The following INTS6 variants were observed in gnomAD, a reference collection of about 807,000 sequenced individuals.
INTS6 encodes the protein integrator complex subunit 6.
Under a neutral mutation model 104.9 loss-of-function variants are expected in INTS6, and 16 were observed. That is an observed-to-expected ratio of 0.15 (90% CI 0.10 to 0.23). INTS6 has a LOEUF of 0.23. INTS6 is among the 10% of genes least tolerant of loss of function. The probability of loss-of-function intolerance (pLI) is 1.00; values close to 1 mark genes in which losing one functional copy is unlikely to be tolerated. For missense variants in INTS6, 584 were observed against 1,062.8 expected, an observed-to-expected ratio of 0.55 and a Z score of 6.26; for synonymous variants, 324 against 358.7, an observed-to-expected ratio of 0.90 and a Z score of 1.09.
the INTS6 span, among the ~76,000 whole-genome samples, chr13:51,338,621 T>G: frequency 2.0e-5 from 3 of 152,216 alleles, no homozygotes; most frequent in East Asian, 5.8e-4. Context: ...AACCTGTTTA[T>G]TCTCCTTTCA....
chr13:51,387,589 T>C (rs1379420103), intron 6 of INTS6, 49 bp from the exon 7 acceptor site: 7 of 1,419,790 alleles, frequency 4.9e-6, no homozygotes, highest in Non-Finnish European at 6.6e-6. Context: ...TAAGGGGGGA[T>C]AAGCATAAAA....
In INTS6 at chr13:51,389,392, G is replaced by C; in HGVS notation, c.666C>G (p.Ser222=). Residue 222 remains serine (S), a synonymous_variant, in exon 6 of 18, where the codon TCC becomes TCG. Transcript: ENST00000311234. ...SPRMLNQCLE[S]LVQKVQSGVV... ...CCCCACTTTGTACTTTCTGCACCAA[G>C]GACTCCAGACACTGATTAAGCATTC... is the stretch of plus-strand genomic sequence containing the variant. 6.2e-7 allele frequency: 1 copy of C among 1,613,308 alleles called. No individual in the cohort carries two copies. The highest frequency in any genetic ancestry group is 2.2e-5 in the East Asian group (1 of 44,796).
At chr13:51,391,488 C>T (rs1956245139) in intron 5 of INTS6, among the ~76,000 whole-genome samples, 1 of 152,114 alleles carries the variant, frequency 6.6e-6, no homozygotes, top group Non-Finnish European at 1.5e-5. Flanking sequence ...GCTTTCTTTA[C>T]AAAGTGAGCC....
chr13:51,449,819 G>A (rs1952997299), intron 3 of INTS6: 1 of 985,164 alleles, frequency 1.0e-6, no homozygotes, highest in Non-Finnish European at 1.2e-6. Flanking sequence ...AAAAGCAGCA[G>A]AGATGGGAAA....
At chr13:51,444,646 G>A (rs1027022027) in intron 3 of INTS6, 2 of 151,938 alleles carry the variant, frequency 1.3e-5, no homozygotes, top group African/African-American at 4.8e-5. Context: ...CTACTCAGGA[G>A]GCTGAAGCAG....
intron 3 of INTS6, among the ~76,000 whole-genome samples, chr13:51,355,485 G>A (rs927000547): frequency 4.6e-5 from 7 of 152,080 alleles, no homozygotes; most frequent in Non-Finnish European, 1.0e-4. Context: ...ATGACCTCCT[G>A]CTGTCCCATC....
the INTS6 span, chr13:51,340,780 C>A: frequency 2.1e-6 from 1 of 468,504 alleles, no homozygotes; most frequent in Admixed American, 3.7e-5. Context: ...TCTGATCTGA[C>A]CAGGGCTTTG....
At chr13:51,377,712 G>T (rs922444183) in intron 12 of INTS6, among the ~76,000 whole-genome samples, 10 of 152,100 alleles carry the variant, frequency 6.6e-5, no homozygotes, top group Admixed American at 5.9e-4. Flanking sequence ...ATGGATCACT[G>T]TAGTAAGTTT....
chr13:51,439,137 A>G (rs1368139868), intron 3 of INTS6: 2 of 152,188 alleles, frequency 1.3e-5, no homozygotes, highest in Non-Finnish European at 2.9e-5. Flanking sequence ...TGCATCACCT[A>G]ATAGTATACA....
chr13:51,339,857 G>A, the INTS6 span: 2 of 152,032 alleles, frequency 1.3e-5, no homozygotes, highest in African/African-American at 2.4e-5. Context: ...GAGGTTATAA[G>A]AGCTGTGAGA....
Position 51,374,324 on chromosome 13 carries a change from A to G in INTS6, c.1988T>C (p.Leu663Pro). 2 of 1,613,938 alleles carry G rather than the reference A, an allele frequency of 1.2e-6. No homozygotes were observed. The highest frequency in any genetic ancestry group is 1.7e-6 in the Non-Finnish European group (2 of 1,179,844). ...AGGATTCTGCTGTCTGCCTCTTAGT[A>G]GTGGAGACATACACCGACGTCTTTT... ...IPKRRRCMSP[L>P]LRGRQQNPVV... Residue 663 changes from leucine to proline, a missense_variant, in exon 15 of 18, where the codon CTA (leucine) becomes CCA (proline). Coordinates refer to ENST00000311234, the MANE Select transcript of INTS6 (RefSeq NM_012141.3).
At chr13:51,441,621 ACT>A (rs1952798363) in intron 3 of INTS6, 1 of 152,202 alleles carries the variant, frequency 6.6e-6, no homozygotes, top group Non-Finnish European at 1.5e-5. Context: ...TGGTTGGCAT[ACT>A]ACATTGGAAA....
chr13:51,406,185 C>T (rs1956561299), intron 4 of INTS6, among the ~76,000 whole-genome samples: 1 of 152,064 alleles, frequency 6.6e-6, no homozygotes. Flanking sequence ...TAGTCTCAAC[C>T]CCCAACCCTA....
the INTS6 span, among the ~76,000 whole-genome samples, chr13:51,345,592 CAAAAAA>C: frequency 2.3e-3 from 84 of 37,038 alleles, no homozygotes; most frequent in African/African-American, 7.2e-3. Flanking sequence ...GATTTCATCT[CAAAAAA>C]AAAAAAAAAA....
At chr13:51,450,626 T>C (rs1274812084) in intron 3 of INTS6, 4 of 986,732 alleles carry the variant, frequency 4.1e-6, no homozygotes, top group East Asian at 1.1e-4. Flanking sequence ...AACAGATTAA[T>C]TTCCTCTAAC....
At chr13:51,451,862 G>A (rs1199568742) in intron 2 of INTS6, 116 bp downstream of exon 2, 1 of 642,930 alleles carries the variant, frequency 1.6e-6, no homozygotes, top group Non-Finnish European at 2.7e-6. Context: ...CAGCGGCTGG[G>A]AGCGCAGCGG....
At chr13:51,344,604 G>A in the INTS6 span, 4 of 764,172 alleles carry the variant, frequency 5.2e-6, no homozygotes, top group African/African-American at 3.5e-5. Flanking sequence ...GCAGAAGTCT[G>A]TCCTCTTAGG....
chr13:51,351,066 T>C (rs1955398131), downstream of INTS6, among the ~76,000 whole-genome samples: 1 of 152,196 alleles, frequency 6.6e-6, no homozygotes, highest in Non-Finnish European at 1.5e-5. Context: ...TTTGAGTGCC[T>C]AGACACATTT....
rs532147131 is a variant in INTS6 at position 51,364,307 on chromosome 13, T to C, written c.*1445A>G. On this transcript the variant is annotated 3_prime_UTR_variant, in exon 18 of 18. Coordinates refer to ENST00000311234, the MANE Select transcript of INTS6 (RefSeq NM_012141.3). ...AATGCATGTTCTCCACTTTCATCAA[T>C]GCTTTTCTTCATAAAGTTATAATTT... 3 of 1,350,922 alleles carry C rather than the reference T, an allele frequency of 2.2e-6. No homozygotes were observed. The South Asian group carries it at 4.0e-5, about 18-fold the overall frequency. The allele number at this position is 1,350,922 out of a possible 1,614,324, so 83.7% of individuals were successfully genotyped here.
Sources: gnomAD v4.1 joint callset for allele counts (sites outside exome capture counted in the v4.1 genomes callset) on GRCh38, gnomAD v4.1.1 for gene constraint, MANE v1.5 for transcripts, NCBI Gene and HGNC (gene_info 2026-07-23, HGNC 2026-07-21) for gene names.